PCDHA6: variants seen among roughly 807,000 people sequenced by gnomAD.
PCDHA6 encodes protocadherin alpha-6.
PCDHA6 carries 55 observed loss-of-function variants against 60.3 expected under a neutral mutation model. The ratio of observed to expected loss-of-function variants is 0.91; its 90% CI spans 0.73 to 1.14. PCDHA6 has a LOEUF of 1.14. PCDHA6 is among the 50% of genes most tolerant of loss of function. PCDHA6 has a pLI of 0.00. For missense variants in PCDHA6, 1,327 were observed against 1,256.5 expected (o/e 1.06, Z -0.85); for synonymous variants, 652 against 557.9 (o/e 1.17, Z -2.38).
At chr5:140,889,042 A>G (rs1395605890) in intron 1 of PCDHA6, among the ~76,000 whole-genome samples, 1 of 152,046 alleles carries the variant, frequency 6.6e-6, no homozygotes, top group African/African-American at 2.4e-5. Context: ...ATTTGATTAT[A>G]ATTTATAATC....
intron 1 of PCDHA6, chr5:140,929,402 A>G: frequency 7.3e-6 from 11 of 1,507,926 alleles, no homozygotes; most frequent in Non-Finnish European, 9.7e-6. Context: ...TTTCTTAGAC[A>G]AGCCTTTCAC....
chr5:140,908,416 G>GGAAT (rs1303787034), intron 1 of PCDHA6, among the ~76,000 whole-genome samples: 1 of 152,152 alleles, frequency 6.6e-6, no homozygotes, highest in African/African-American at 2.4e-5. Flanking sequence ...ATTTGATGAT[G>GGAAT]GAATGCTGCT....
intron 1 of PCDHA6, among the ~76,000 whole-genome samples, chr5:140,895,848 G>C (rs147299280): frequency 2.2e-3 from 342 of 152,098 alleles, no homozygotes; most frequent in African/African-American, 8.1e-3. Context: ...TCTCACTCTT[G>C]TACCCCAGGC....
chr5:140,941,548 C>CTCG (rs1175641247), intron 1 of PCDHA6, among the ~76,000 whole-genome samples: 1 of 151,868 alleles, frequency 6.6e-6, no homozygotes, highest in Non-Finnish European at 1.5e-5. Context: ...AACTCCTGAC[C>CTCG]TCGTGATCCA....
In PCDHA6 at chr5:140,828,006, A is replaced by G; in HGVS notation, c.-86A>G. On this transcript the variant is annotated 5_prime_UTR_variant, in exon 1 of 4. Transcript: ENST00000529310. ...TGTTGAATGATGGCGGACGCAGAAG[A>G]AATGGATTAATAAATTCCGGAACAT... 6.7e-7 allele frequency: 1 copy of G among 1,503,668 alleles called. No individual in the cohort carries two copies. Among genetic ancestry groups the G allele is most frequent in the Non-Finnish European group, 8.9e-7 (1 of 1,121,840 alleles). 93.1% of individuals were successfully genotyped at this position (1,503,668 alleles called of 1,614,324 possible).
chr5:140,916,871 T>C (rs1321229691), intron 1 of PCDHA6, among the ~76,000 whole-genome samples: 1 of 152,162 alleles, frequency 6.6e-6, no homozygotes, highest in African/African-American at 2.4e-5. Context: ...ACCTAGGAAT[T>C]GCAATCCTTG....
intron 1 of PCDHA6, among the ~76,000 whole-genome samples, chr5:140,902,760 T>G (rs887357298): frequency 1.4e-4 from 22 of 152,038 alleles, no homozygotes; most frequent in African/African-American, 5.3e-4. Context: ...ATCATTCTTA[T>G]GTCTTTGCAT....
chr5:140,841,975 C>T (rs1777621234), intron 1 of PCDHA6: 7 of 1,613,726 alleles, frequency 4.3e-6, no homozygotes, highest in Non-Finnish European at 5.9e-6. Context: ...CAGATGGGGG[C>T]AAACCTGAGC....
chr5:140,890,726 T>C (rs2062772984), intron 1 of PCDHA6, among the ~76,000 whole-genome samples: 1 of 152,214 alleles, frequency 6.6e-6, no homozygotes. Context: ...TTTAATCCCT[T>C]TTGACTTATA....
rs782610584 is a variant in PCDHA6 at position 140,883,582 on chromosome 5, G to C, written c.2394+53097G>C. 38 of 1,613,902 alleles carry C rather than the reference G, an allele frequency of 2.4e-5. No homozygotes were observed. The African/African-American group carries it at 3.7e-4, about 16-fold the overall frequency. ...GGGGCTCGCCTTCGCTGTGGGCCAC[G>C]GCCAGCGTGTCGGTGGGGGTGGCCG... is the stretch of plus-strand genomic sequence containing the variant. On this transcript the variant is annotated intron_variant, in intron 1 of 3. Transcript: ENST00000529310.
chr5:140,968,657 G>T (rs782383428), intron 1 of PCDHA6: 16 of 1,614,142 alleles, frequency 9.9e-6, no homozygotes, highest in Non-Finnish European at 1.4e-5. Flanking sequence ...TTCTGACCTG[G>T]ACCTCTTTAA....
At chr5:140,852,972 G>A (rs2150526368) in intron 1 of PCDHA6, 5 of 376,752 alleles carry the variant, frequency 1.3e-5, no homozygotes, top group South Asian at 2.2e-4. Context: ...TCCCCCTCCC[G>A]TGTTCACGCC....
chr5:140,852,883 G>T, intron 1 of PCDHA6: 1 of 933,168 alleles, frequency 1.1e-6, no homozygotes, highest in Non-Finnish European at 1.3e-6. Flanking sequence ...ATCATAAAAC[G>T]TATTTTTTTT....
rs782426631 is a variant in PCDHA6, at chr5:140,982,476, T to G, written c.2455T>G (p.Ser819Ala). The change falls in exon 3 of 4, where the codon TCT becomes GCT. Residue 819 changes from serine to alanine, a missense_variant and splice_region_variant. By Grantham distance (99) the Ser-to-Ala change is moderately conservative (BLOSUM62 1). Coordinates refer to ENST00000529310, the MANE Select transcript of PCDHA6 (RefSeq NM_018909.4). The part of the protein sequence containing the change: ...SASLRAGMHS[S>A]VHLEEAGILR... Reference sequence around the variant, plus strand: ...ATCTGGGTCTGTGTGTTTATTCAGCTCTGTGCACCTAGAGGAGGCTGGCAT... The same window carrying G: ...ATCTGGGTCTGTGTGTTTATTCAGCGCTGTGCACCTAGAGGAGGCTGGCAT... 9.3e-6 allele frequency: 15 copies of G among 1,614,064 alleles called. No individual in the cohort carries two copies. The African/African-American group carries it at 2.0e-4, about 22-fold the overall frequency.
intron 1 of PCDHA6, chr5:140,851,594 A>T (rs1554145464): frequency 1.1e-6 from 1 of 917,164 alleles, no homozygotes; most frequent in African/African-American, 1.8e-5. Context: ...TTTGAAATTC[A>T]GTTTACAGAA....
chr5:140,899,268 C>T (rs2067238736), intron 1 of PCDHA6, among the ~76,000 whole-genome samples: 1 of 152,078 alleles, frequency 6.6e-6, no homozygotes, highest in Non-Finnish European at 1.5e-5. Context: ...TGTCTTGTGG[C>T]AGTTTTCAAA....
At chr5:140,924,244 C>G (rs1375839311) in intron 1 of PCDHA6, among the ~76,000 whole-genome samples, 1 of 152,152 alleles carries the variant, frequency 6.6e-6, no homozygotes, top group Non-Finnish European at 1.5e-5. Context: ...TGTTTTGCAT[C>G]CTGGTGAGAT....
intron 1 of PCDHA6, among the ~76,000 whole-genome samples, chr5:140,902,641 G>T (rs2069615645): frequency 6.6e-6 from 1 of 152,080 alleles, no homozygotes; most frequent in Non-Finnish European, 1.5e-5. Context: ...TGATTTCTGA[G>T]ATTTTGGTGC....
chr5:140,910,965 C>T (rs1554194514), intron 1 of PCDHA6, among the ~76,000 whole-genome samples: 1 of 152,098 alleles, frequency 6.6e-6, no homozygotes, highest in Non-Finnish European at 1.5e-5. Context: ...TAGCACACCT[C>T]CTCATGGGTT....
Sources: allele counts gnomAD v4.1 joint callset (sites outside exome capture counted in the v4.1 genomes callset), GRCh38; gene constraint gnomAD v4.1.1; transcripts MANE v1.5; gene names NCBI Gene and HGNC (gene_info 2026-07-23, HGNC 2026-07-21).